Variants in CGGBP1 observed in about 807,000 individuals in gnomAD.
CGGBP1 encodes the protein CGG triplet repeat binding protein 1.
In CGGBP1, 4 loss-of-function variants were observed where a neutral mutation model predicts 11.4. That is an observed-to-expected ratio of 0.35 (90% CI 0.17 to 0.80). The LOEUF is 0.80. CGGBP1 is among the 30% of genes least tolerant of loss of function. The pLI is 0.52. For synonymous variants in CGGBP1, 76 were observed against 74.1 expected, an observed-to-expected ratio of 1.03 and a Z score of -0.13; for missense variants, 135 against 202.1, an observed-to-expected ratio of 0.67 and a Z score of 2.01.
intron 2 of CGGBP1, chr3:88,139,389 T>C: frequency 6.2e-7 from 1 of 1,613,670 alleles, no homozygotes. Flanking sequence ...CAGTTTTGCA[T>C]GTGTAATATG....
At chr3:88,104,640 G>A (rs911497449) in intron 2 of CGGBP1, among the ~76,000 whole-genome samples, 1 of 152,144 alleles carries the variant, frequency 6.6e-6, no homozygotes, top group Non-Finnish European at 1.5e-5. Flanking sequence ...GAGATTAGGC[G>A]GGATTTTTAA....
rs953504180 is a variant in CGGBP1, at chr3:88,053,187, G to C, written c.*2286C>G. The C allele has an allele frequency of 6.6e-6, 1 of 152,152 alleles. No homozygotes were observed. Among genetic ancestry groups the C allele is most frequent in the Non-Finnish European group, 1.5e-5 (1 of 67,964 alleles). The allele number at this position is 152,152 out of a possible 1,614,324, so 9.4% of individuals were successfully genotyped here. ...TGTTATCTAACATATGCCAATCATG[G>C]TTTCAGGGATTTGTATCAGTTCGAG... On this transcript the variant is annotated 3_prime_UTR_variant, in exon 4 of 4. Transcript: ENST00000482016.
intron 2 of CGGBP1, among the ~76,000 whole-genome samples, chr3:88,066,944 TGGTG>T (rs1559686787): frequency 6.6e-6 from 1 of 152,226 alleles, no homozygotes; most frequent in Non-Finnish European, 1.5e-5. Context: ...TATTAGGAGA[TGGTG>T]GGACATTATG....
intron 2 of CGGBP1, among the ~76,000 whole-genome samples, chr3:88,092,748 AAT>A (rs1349657435): frequency 6.6e-6 from 1 of 152,204 alleles, no homozygotes; most frequent in Non-Finnish European, 1.5e-5. Flanking sequence ...TTACAAATAA[AAT>A]ATGTTATATG....
At chr3:88,096,462 G>A (rs1704066438) in intron 2 of CGGBP1, among the ~76,000 whole-genome samples, 1 of 152,052 alleles carries the variant, frequency 6.6e-6, no homozygotes, top group Admixed American at 6.6e-5. Flanking sequence ...CCTTCCTCCT[G>A]ACTTCTGACT....
At chr3:88,140,340 G>T (rs1305211073) in intron 2 of CGGBP1, 2 of 1,613,416 alleles carry the variant, frequency 1.2e-6, no homozygotes, top group Non-Finnish European at 1.7e-6. Flanking sequence ...TGTTCAGACA[G>T]ACTCAAATCC....
At chr3:88,128,743 T>C (rs1706270086) in intron 2 of CGGBP1, 2 of 1,178,918 alleles carry the variant, frequency 1.7e-6, no homozygotes, top group African/African-American at 1.5e-5. Flanking sequence ...TGGTAAAGTT[T>C]CAAAGAACAA....
At chr3:88,133,678 C>T (rs1356155250) in intron 2 of CGGBP1, among the ~76,000 whole-genome samples, 1 of 152,088 alleles carries the variant, frequency 6.6e-6, no homozygotes, top group Non-Finnish European at 1.5e-5. Flanking sequence ...AAACTCCTAA[C>T]TCTACAACCC....
At chr3:88,091,056 C>T (rs1423842781) in intron 2 of CGGBP1, among the ~76,000 whole-genome samples, 1 of 152,154 alleles carries the variant, frequency 6.6e-6, no homozygotes, top group East Asian at 1.9e-4. Flanking sequence ...GTATTCAGTA[C>T]AGTAGCATGC....
At chr3:88,100,879 C>G (rs1014662432) in intron 2 of CGGBP1, among the ~76,000 whole-genome samples, 2 of 152,142 alleles carry the variant, frequency 1.3e-5, no homozygotes, top group Admixed American at 6.6e-5. Context: ...TTAATGTGTG[C>G]AGCACACCAA....
intron 2 of CGGBP1, among the ~76,000 whole-genome samples, chr3:88,073,362 GT>G (rs1228992169): frequency 6.6e-6 from 1 of 152,164 alleles, no homozygotes; most frequent in Admixed American, 6.6e-5. Flanking sequence ...TGGCTTAGGG[GT>G]TTGAATTCTG....
At chr3:88,093,947 C>T (rs554468818) in intron 2 of CGGBP1, among the ~76,000 whole-genome samples, 27 of 152,264 alleles carry the variant, frequency 1.8e-4, no homozygotes, top group Admixed American at 1.2e-3. Flanking sequence ...TTACTCCTGA[C>T]TCTTTATATT....
intron 2 of CGGBP1, among the ~76,000 whole-genome samples, chr3:88,089,676 A>G (rs900865423): frequency 7.2e-5 from 11 of 152,094 alleles, no homozygotes; most frequent in African/African-American, 2.7e-4. Context: ...TGACAGTTCT[A>G]GGATTAAGCT....
At chr3:88,059,680 C>G (rs1445045905), upstream of CGGBP1, among the ~76,000 whole-genome samples, 1 of 151,880 alleles carries the variant, frequency 6.6e-6, no homozygotes, top group African/African-American at 2.4e-5. Flanking sequence ...GGGCGGGGAG[C>G]AAGGCGAGGG....
chr3:88,082,638 T>G (rs1262225384), intron 2 of CGGBP1, among the ~76,000 whole-genome samples: 1 of 152,186 alleles, frequency 6.6e-6, no homozygotes, highest in African/African-American at 2.4e-5. Context: ...ATTGATCTAG[T>G]CTGTTAATAG....
At chr3:88,142,871 TTTAAC>T (rs1304873804) in intron 1 of CGGBP1, 4 of 152,270 alleles carry the variant, frequency 2.6e-5, no homozygotes, top group Non-Finnish European at 5.9e-5. Flanking sequence ...CTAAGAAGAT[TTTAAC>T]TTAATAAAGT....
intron 2 of CGGBP1, among the ~76,000 whole-genome samples, chr3:88,101,790 TG>T (rs938387742): frequency 6.6e-6 from 1 of 152,152 alleles, no homozygotes; most frequent in Non-Finnish European, 1.5e-5. Context: ...CAATTTCTTA[TG>T]GGGGTAGCAG....
At chr3:88,126,485 C>T (rs1024812356) in intron 2 of CGGBP1, among the ~76,000 whole-genome samples, 1 of 151,138 alleles carries the variant, frequency 6.6e-6, no homozygotes, top group African/African-American at 2.4e-5. Flanking sequence ...TGGAAATTCT[C>T]AGTGGTAACA....
At chr3:88,123,133 A>T (rs779380155) in intron 2 of CGGBP1, among the ~76,000 whole-genome samples, 6 of 152,148 alleles carry the variant, frequency 3.9e-5, no homozygotes, top group South Asian at 2.1e-4. Context: ...CGAGGTTTTA[A>T]ATTGAATATC....
Sources: allele counts gnomAD v4.1 joint callset (sites outside exome capture counted in the v4.1 genomes callset), GRCh38; gene constraint gnomAD v4.1.1; transcripts MANE v1.5; gene names NCBI Gene and HGNC (gene_info 2026-07-23, HGNC 2026-07-21).